GDAP1L1: variants seen among roughly 807,000 people sequenced by gnomAD.
GDAP1L1 encodes ganglioside induced differentiation associated protein 1 like 1.
A neutral mutation model predicts 37.1 loss-of-function variants in GDAP1L1; 21 were observed. The observed-to-expected ratio is 0.57, with a 90% CI of 0.40 to 0.81. The LOEUF (loss-of-function observed/expected upper bound fraction) is 0.81, where lower values mean the gene tolerates loss of function less well. Ranked by LOEUF, GDAP1L1 falls within the 40% of genes least tolerant of loss-of-function variation. GDAP1L1 has a pLI of 0.00. For synonymous variants in GDAP1L1, 193 were observed against 209.1 expected, an observed-to-expected ratio of 0.92 and a Z score of 0.67; for missense variants, 362 against 491.6, an observed-to-expected ratio of 0.74 and a Z score of 2.49.
intron 3 of GDAP1L1, among the ~76,000 whole-genome samples, chr20:44,260,743 A>T (rs890663369): frequency 6.6e-5 from 10 of 152,028 alleles, no homozygotes; most frequent in African/African-American, 2.4e-4. Context: ...GTTTTTGGGG[A>T]ATGGAGGAAG....
chr20:44,247,339 CGACCCCCAACAATCT>C lies in GDAP1L1; in HGVS notation c.14_28del (p.Asn5_Pro9del), dbSNP rs1229312324. On this transcript the variant is annotated inframe_deletion, in exon 1 of 6. Coordinates refer to ENST00000342560, the MANE Select transcript of GDAP1L1 (RefSeq NM_024034.6). ...TGCCTCTGATTCCGGGCTGTCATGG[CGACCCCCAACAATCT>C]GACCCCCACCAACTGCAGCTGGTGG... is the stretch of plus-strand genomic sequence containing the variant. The C allele has an allele frequency of 6.2e-7, 1 of 1,613,418 alleles. No homozygotes were observed. The highest frequency in any genetic ancestry group is 2.2e-5 in the East Asian group (1 of 44,848).
At chr20:44,272,716 G>A (rs144607463) in intron 5 of GDAP1L1, among the ~76,000 whole-genome samples, 282 of 152,252 alleles carry the variant, frequency 1.9e-3, no homozygotes, top group African/African-American at 6.1e-3. Context: ...ACACAAACAC[G>A]GACATGCATA....
At chr20:44,265,456 C>G in intron 5 of GDAP1L1, 1 of 985,448 alleles carries the variant, frequency 1.0e-6, no homozygotes, top group Non-Finnish European at 1.2e-6. Context: ...TTTGCAACAG[C>G]CTCCTGCACA....
intron 5 of GDAP1L1, among the ~76,000 whole-genome samples, chr20:44,275,474 G>A (rs1466294408): frequency 3.9e-5 from 6 of 152,158 alleles, no homozygotes; most frequent in Admixed American, 1.3e-4. Context: ...TCAAAGGTGC[G>A]GGGGCAAGCC....
chr20:44,256,100 G>A (rs555193371), intron 1 of GDAP1L1, among the ~76,000 whole-genome samples: 1 of 152,280 alleles, frequency 6.6e-6, no homozygotes, highest in Admixed American at 6.5e-5. Context: ...CACTGGTTTG[G>A]GAGTCAAGAA....
Position 44,279,557 on chromosome 20 carries a change from A to G in GDAP1L1, c.*257A>G, listed in dbSNP as rs1457380022. ...AGAGAAAAAACAAAAAACAGAAAAC[A>G]CGAATGCCTTTTCTATCGATTCAAG... is the stretch of plus-strand genomic sequence containing the variant. On this transcript the variant is annotated 3_prime_UTR_variant, in exon 6 of 6. Transcript: ENST00000342560. 4 of 632,182 alleles carry G rather than the reference A, an allele frequency of 6.3e-6. No individual in the cohort carries two copies. The highest frequency in any genetic ancestry group is 2.1e-5 in the Admixed American group (1 of 47,228). The allele number at this position is 632,182 out of a possible 1,614,324, so 39.2% of individuals were successfully genotyped here.
intron 1 of GDAP1L1, 43 bp downstream of exon 1, chr20:44,247,557 CT>C: frequency 6.9e-7 from 1 of 1,453,176 alleles, no homozygotes; most frequent in Non-Finnish European, 9.1e-7. Context: ...GGCCAGGAAG[CT>C]TGGGGAGGGG....
chr20:44,247,448 CCCCG>C lies in GDAP1L1; in HGVS notation c.118_121del (p.Ala40IlefsTer24), dbSNP rs2073351295. The C allele has an allele frequency of 6.2e-7, 1 of 1,607,074 alleles. No individual in the cohort carries two copies. Among genetic ancestry groups the C allele is most frequent in the South Asian group, 1.1e-5 (1 of 90,052 alleles). ...CCCCCGACGCTCCCGAGGCGGCCAG[CCCCG>C]CCCATTGGCCCAGGGAGAGCCTGGT... is the stretch of plus-strand genomic sequence containing the variant. On this transcript the variant is annotated frameshift_variant, in exon 1 of 6. Transcript: ENST00000342560. LOFTEE classifies it high-confidence loss of function.
intron 1 of GDAP1L1, among the ~76,000 whole-genome samples, chr20:44,248,187 A>G (rs749004313): frequency 6.1e-4 from 93 of 152,228 alleles, no homozygotes; most frequent in Admixed American, 3.9e-4. Context: ...AAATGCTTCT[A>G]GGACCTAGGG....
intron 5 of GDAP1L1, among the ~76,000 whole-genome samples, chr20:44,265,803 G>A (rs1271940558): frequency 6.6e-6 from 1 of 152,116 alleles, no homozygotes; most frequent in Non-Finnish European, 1.5e-5. Context: ...CTCAAGGTCA[G>A]GCAGCTCATA....
intron 5 of GDAP1L1, among the ~76,000 whole-genome samples, chr20:44,267,315 T>C (rs995555416): frequency 6.6e-6 from 1 of 152,092 alleles, no homozygotes; most frequent in African/African-American, 2.4e-5. Flanking sequence ...TCCTGTTCTA[T>C]AAAAGGGTGA....
chr20:44,257,428 C>T (rs2073580100), intron 2 of GDAP1L1, 83 bp downstream of exon 2: 2 of 1,337,182 alleles, frequency 1.5e-6, no homozygotes, highest in South Asian at 1.4e-5. Flanking sequence ...GGTCCCAGAA[C>T]TTTGGGAAGT....
chr20:44,264,586 G>A (rs1401688327), intron 5 of GDAP1L1, 27 bp downstream of exon 5: 7 of 1,604,564 alleles, frequency 4.4e-6, no homozygotes. Context: ...GGGGAGGTGG[G>A]GGCTGCAGCC....
At chr20:44,247,924 T>C (rs1035154128) in intron 1 of GDAP1L1, among the ~76,000 whole-genome samples, 2 of 151,924 alleles carry the variant, frequency 1.3e-5, no homozygotes, top group Admixed American at 6.6e-5. Context: ...CCAGCCTCGG[T>C]AGCCCCCTCT....
At chr20:44,260,491 G>C (rs371374729) in intron 3 of GDAP1L1, among the ~76,000 whole-genome samples, 1 of 152,060 alleles carries the variant, frequency 6.6e-6, no homozygotes, top group Non-Finnish European at 1.5e-5. Context: ...AATCTTGTTT[G>C]AATTTCAACA....
chr20:44,269,601 T>A (rs2062491355), intron 5 of GDAP1L1, among the ~76,000 whole-genome samples: 1 of 151,950 alleles, frequency 6.6e-6, no homozygotes, highest in African/African-American at 2.4e-5. Context: ...TGAGCAGGAA[T>A]TTACATGAGG....
chr20:44,258,236 G>A (rs1229426386), intron 2 of GDAP1L1, 198 bp from the exon 3 acceptor site: 2 of 722,458 alleles, frequency 2.8e-6, no homozygotes, highest in African/African-American at 3.5e-5. Context: ...TAACCCTCGG[G>A]GACAGCTTGG....
chr20:44,274,013 T>C (rs1033728653), intron 5 of GDAP1L1, among the ~76,000 whole-genome samples: 6 of 152,198 alleles, frequency 3.9e-5, no homozygotes, highest in African/African-American at 1.4e-4. Context: ...GGAATGTTTA[T>C]TCCAGTCAAT....
chr20:44,274,569 C>T (rs964990854), intron 5 of GDAP1L1, among the ~76,000 whole-genome samples: 2 of 152,226 alleles, frequency 1.3e-5, no homozygotes, highest in Non-Finnish European at 2.9e-5. Flanking sequence ...GTGAACACAG[C>T]TGAGCACTGT....
Sources: allele counts gnomAD v4.1 joint callset (sites outside exome capture counted in the v4.1 genomes callset), GRCh38; gene constraint gnomAD v4.1.1; transcripts MANE v1.5; gene names NCBI Gene and HGNC (gene_info 2026-07-23, HGNC 2026-07-21).